The following COX17 variants were observed in gnomAD, a reference collection of about 807,000 sequenced individuals.
The protein encoded by COX17 is cytochrome c oxidase copper chaperone.
COX17 carries 1 observed loss-of-function variant against 6.3 expected under a neutral mutation model. That is an observed-to-expected ratio of 0.16 (90% confidence interval 0.06 to 0.75). COX17 has a LOEUF of 0.75. Ranked by LOEUF, COX17 falls within the 30% of genes least tolerant of loss-of-function variation. The pLI, the probability that COX17 is intolerant of heterozygous loss-of-function variation, is 0.77. For synonymous variants in COX17, 26 were observed against 30.5 expected (o/e 0.85, Z 0.49); for missense variants, 73 against 81.2 (o/e 0.90, Z 0.39).
chr3:119,666,788 A>G (rs1009081163), downstream of COX17: 5 of 152,336 alleles, frequency 3.3e-5, no homozygotes, highest in African/African-American at 1.2e-4. Flanking sequence ...CACATGAATT[A>G]TCAACACTAG....
rs2053087921 is a variant in COX17 at position 119,675,252 on chromosome 3, T to C, written c.108-19A>G. On this transcript the variant is annotated intron_variant, in intron 1 of 2. Coordinates refer to ENST00000261070, the MANE Select transcript of COX17 (RefSeq NM_005694.2). ...GATGATACTATAAAACAAAATGTAC[T>C]TGTTATCTAAATATGCATTAAGCAC... 2 of 1,560,954 alleles carry C rather than the reference T, an allele frequency of 1.3e-6. No individual in the cohort carries two copies. Among genetic ancestry groups the C allele is most frequent in the African/African-American group, 2.7e-5 (2 of 73,862 alleles).
chr3:119,671,875 G>A (rs958380070), intron 2 of COX17, among the ~76,000 whole-genome samples: 1 of 152,042 alleles, frequency 6.6e-6, no homozygotes, highest in African/African-American at 2.4e-5. Context: ...TGGAGGTTGG[G>A]GAAATAGGAC....
intron 1 of COX17, chr3:119,676,803 C>A: frequency 1.4e-6 from 1 of 701,844 alleles, no homozygotes; most frequent in South Asian, 1.5e-5. Flanking sequence ...GCATCTTTAT[C>A]CATGTCTACA....
intron 2 of COX17, chr3:119,674,727 T>C (rs569446139): frequency 6.3e-6 from 1 of 159,058 alleles, no homozygotes; most frequent in East Asian, 1.8e-4. Context: ...ACCTCCCAGG[T>C]TGAGGCTGCA....
chr3:119,677,092 CAGAGGGCAGAGGGCAGAAG>C (rs2053111434), intron 1 of COX17, 93 bp downstream of exon 1: 8 of 610,118 alleles, frequency 1.3e-5, no homozygotes, highest in Non-Finnish European at 2.2e-5. Flanking sequence ...GGGCAGAAGG[CAGAGGGCAGAGGGCAGAAG>C]GCAGAGGGCA....
chr3:119,674,679 T>A (rs980701218), intron 2 of COX17: 2 of 155,890 alleles, frequency 1.3e-5, no homozygotes, highest in Admixed American at 6.3e-5. Context: ...ACACCTGTAG[T>A]CCCAGTTACT....
chr3:119,665,477 C>T (rs568951778), downstream of COX17, among the ~76,000 whole-genome samples: 7 of 152,258 alleles, frequency 4.6e-5, no homozygotes, highest in Non-Finnish European at 8.8e-5. Flanking sequence ...TGGGTTCAAG[C>T]GATCTTCTCA....
intron 3 of COX17, among the ~76,000 whole-genome samples, chr3:119,664,086 C>T (rs562409563): frequency 2.0e-5 from 3 of 152,328 alleles, no homozygotes; most frequent in African/African-American, 4.8e-5. Flanking sequence ...CTTCAAGAAA[C>T]TTTCAGTCTA....
downstream of COX17, among the ~76,000 whole-genome samples, chr3:119,666,143 G>A (rs2052990534): frequency 6.6e-6 from 1 of 152,162 alleles, no homozygotes; most frequent in South Asian, 2.1e-4. Flanking sequence ...GGGATGAAGG[G>A]GGCGGATCTT....
downstream of COX17, among the ~76,000 whole-genome samples, chr3:119,666,450 T>C (rs180715200): frequency 1.3e-5 from 2 of 152,328 alleles, no homozygotes; most frequent in Non-Finnish European, 2.9e-5. Context: ...TGAGTTTTCC[T>C]TATGAGGATT....
At chr3:119,671,531 T>C (rs1439348534) in intron 2 of COX17, among the ~76,000 whole-genome samples, 1 of 152,224 alleles carries the variant, frequency 6.6e-6, no homozygotes, top group African/African-American at 2.4e-5. Context: ...GAAATACCGA[T>C]TTAGGTTAAG....
At chr3:119,667,281 T>G (rs2107830990), downstream of COX17, among the ~76,000 whole-genome samples, 1 of 152,264 alleles carries the variant, frequency 6.6e-6, no homozygotes, top group Middle Eastern at 3.4e-3. Flanking sequence ...TGATATCTCT[T>G]TTCATTATTA....
chr3:119,666,341 G>A (rs968480518), downstream of COX17, among the ~76,000 whole-genome samples: 3 of 152,144 alleles, frequency 2.0e-5, no homozygotes, highest in South Asian at 4.1e-4. Flanking sequence ...AGTCCTGGAC[G>A]AGAAAGCTGA....
At chr3:119,674,855 G>A in intron 2 of COX17, 2 of 262,482 alleles carry the variant, frequency 7.6e-6, no homozygotes, top group Non-Finnish European at 1.4e-5. Flanking sequence ...AAACAAGAAA[G>A]AGAATATGTT....
rs148791667 is a variant in COX17, at chr3:119,676,485, T to C, written c.107+719A>G. Reference sequence around the variant, plus strand: ...GAGATTTGCTCCACAAGAGAGGCTATATAAAATGAGAACAAATCTTTTGTG... The same window carrying C: ...GAGATTTGCTCCACAAGAGAGGCTACATAAAATGAGAACAAATCTTTTGTG... On this transcript the variant is annotated intron_variant, in intron 1 of 2. Transcript: ENST00000261070. 3.1e-3 allele frequency among the ~76,000 whole-genome samples: 473 copies of C among 152,342 alleles called. 2 individuals carry two copies. The highest frequency in any genetic ancestry group is 0.011 in the African/African-American group (457 of 41,564).
downstream of COX17, among the ~76,000 whole-genome samples, chr3:119,664,734 C>T (rs767579868): frequency 1.3e-5 from 2 of 152,160 alleles, no homozygotes; most frequent in Non-Finnish European, 1.5e-5. Context: ...AGCAATTTCA[C>T]AGAGAAACTA....
intron 2 of COX17, chr3:119,674,926 C>G: frequency 2.0e-6 from 1 of 500,658 alleles, no homozygotes; most frequent in Middle Eastern, 5.2e-4. Context: ...TTTGTCAAAC[C>G]CTTTCTTAAA....
chr3:119,665,921 C>G (rs898493106), downstream of COX17, among the ~76,000 whole-genome samples: 2 of 152,314 alleles, frequency 1.3e-5, no homozygotes, highest in East Asian at 1.9e-4. Context: ...AATTATTTTG[C>G]TCTACCAATA....
intron 1 of COX17, 177 bp downstream of exon 1, chr3:119,677,027 G>GC (rs1559736230): frequency 2.0e-4 from 90 of 451,168 alleles, no homozygotes; most frequent in Admixed American, 6.9e-4. Flanking sequence ...GCGGGGCGGG[G>GC]GGGGGGGGCA....
Sources: allele counts gnomAD v4.1 joint callset (sites outside exome capture counted in the v4.1 genomes callset), GRCh38; gene constraint gnomAD v4.1.1; transcripts MANE v1.5; gene names NCBI Gene and HGNC (gene_info 2026-07-23, HGNC 2026-07-21).